COX7B2: variants seen among roughly 807,000 people sequenced by gnomAD.
COX7B2 encodes the protein cytochrome c oxidase subunit 7B2, also known as cytochrome c oxidase subunit 7B2, mitochondrial.
For missense variants in COX7B2, 109 were observed against 95.9 expected, an observed-to-expected ratio of 1.14 and a Z score of -0.57; for synonymous variants, 37 against 32.1, an observed-to-expected ratio of 1.15 and a Z score of -0.51.
intron 2 of COX7B2, among the ~76,000 whole-genome samples, chr4:46,824,710 G>T (rs1361031426): frequency 6.8e-6 from 1 of 147,146 alleles, no homozygotes; most frequent in Non-Finnish European, 1.5e-5. Flanking sequence ...ATCACCAAAT[G>T]CAAGGTTGGC....
At chr4:46,883,814 G>A (rs1577695639) in intron 1 of COX7B2, among the ~76,000 whole-genome samples, 1 of 150,584 alleles carries the variant, frequency 6.6e-6, no homozygotes, top group Non-Finnish European at 1.5e-5. Context: ...TTAAATTCTT[G>A]TCAAGGTCTC....
chr4:46,881,288 A>C (rs944225132), intron 1 of COX7B2, among the ~76,000 whole-genome samples: 2 of 152,236 alleles, frequency 1.3e-5, no homozygotes, highest in African/African-American at 2.4e-5. Flanking sequence ...ACACTGGTTC[A>C]GTCTGGAAAG....
chr4:46,737,044 G>A (rs565063558), intron 2 of COX7B2, among the ~76,000 whole-genome samples: 1 of 152,126 alleles, frequency 6.6e-6, no homozygotes, highest in African/African-American at 2.4e-5. Context: ...TTCCAAAGTG[G>A]CTGTACCATT....
At chr4:46,755,773 A>G (rs1217363158) in intron 2 of COX7B2, among the ~76,000 whole-genome samples, 1 of 152,012 alleles carries the variant, frequency 6.6e-6, no homozygotes, top group African/African-American at 2.4e-5. Flanking sequence ...AAAGATCTCT[A>G]TAAGGAGAAC....
Position 46,761,964 on chromosome 4 carries a change from C to T in COX7B2, c.-49-26723G>A, listed in dbSNP as rs529118975. On this transcript the variant is annotated intron_variant, in intron 2 of 2. Transcript: ENST00000355591. ...ACCATTGAGTGAGACTGCAAATAAA[C>T]ATATGAACAGTGTGATTGTGTGTAC... Among the ~76,000 whole-genome samples, 5 of 151,332 alleles carry T rather than the reference C, an allele frequency of 3.3e-5. No individual in the cohort carries two copies. In the East Asian group the frequency reaches 9.8e-4, roughly 30 times the overall value.
chr4:46,887,218 G>A (rs914639588), intron 1 of COX7B2, among the ~76,000 whole-genome samples: 8 of 152,080 alleles, frequency 5.3e-5, no homozygotes, highest in Admixed American at 3.3e-4. Flanking sequence ...AAAGATACTA[G>A]TATCCCACCC....
intron 1 of COX7B2, among the ~76,000 whole-genome samples, chr4:46,897,032 G>A (rs1019796698): frequency 1.3e-5 from 2 of 152,180 alleles, no homozygotes; most frequent in South Asian, 4.1e-4. Context: ...TGGAGGTAGG[G>A]AAATTAAATT....
At chr4:46,853,279 A>C (rs1282212063) in intron 1 of COX7B2, among the ~76,000 whole-genome samples, 6 of 152,142 alleles carry the variant, frequency 3.9e-5, no homozygotes, top group African/African-American at 1.4e-4. Flanking sequence ...AAAACAAAGA[A>C]CTTATATGGA....
intron 2 of COX7B2, among the ~76,000 whole-genome samples, chr4:46,844,411 C>T (rs1031294367): frequency 1.3e-5 from 2 of 151,796 alleles, no homozygotes; most frequent in Non-Finnish European, 1.5e-5. Flanking sequence ...CCATACTGAC[C>T]AAGTCAACCC....
intron 1 of COX7B2, among the ~76,000 whole-genome samples, chr4:46,865,227 T>C (rs1244282180): frequency 6.6e-6 from 1 of 152,184 alleles, no homozygotes; most frequent in Non-Finnish European, 1.5e-5. Context: ...CCTGTGTTAC[T>C]TCACTTAGAA....
At chr4:46,906,295 C>T (rs561351587) in intron 1 of COX7B2, among the ~76,000 whole-genome samples, 2 of 152,166 alleles carry the variant, frequency 1.3e-5, no homozygotes, top group Non-Finnish European at 2.9e-5. Context: ...ACTGATGATC[C>T]TGAAGCCTGA....
chr4:46,734,920 AT>A lies in COX7B2; in HGVS notation c.*26del. 1 of 1,613,742 alleles carries A rather than the reference AT, an allele frequency of 6.2e-7. No individual in the cohort carries two copies. The highest frequency in any genetic ancestry group is 2.2e-5 in the East Asian group (1 of 44,880). Reference sequence around the variant, plus strand: ...ACATGACAAGTTGGTTTTTTAAACAATTCTGTCATTACAGCAACTGTGATGG... The same window carrying A: ...ACATGACAAGTTGGTTTTTTAAACAATCTGTCATTACAGCAACTGTGATGG... On this transcript the variant is annotated 3_prime_UTR_variant, in exon 3 of 3. Coordinates refer to ENST00000355591, the MANE Select transcript of COX7B2 (RefSeq NM_130902.3).
In COX7B2 at chr4:46,743,044, A is replaced by G. The variant is rs535888853; in HGVS notation, c.-49-7803T>C. On this transcript the variant is annotated intron_variant, in intron 2 of 2. Transcript: ENST00000355591. ...CTATACTCACTCTTTTTCCTTTCTG[A>G]TAGCTATGAGTAAGAGATAACAAAA... 2.0e-5 allele frequency among the ~76,000 whole-genome samples: 3 copies of G among 152,144 alleles called. No individual in the cohort carries two copies. In the South Asian group the frequency reaches 6.2e-4, roughly 32 times the overall value.
chr4:46,762,452 C>G (rs116273811), intron 2 of COX7B2, among the ~76,000 whole-genome samples: 21,718 of 131,814 alleles, frequency 0.16, 1,919 homozygotes, highest in South Asian at 0.35. Flanking sequence ...TATATATATA[C>G]TATATATAGT....
intron 2 of COX7B2, among the ~76,000 whole-genome samples, chr4:46,824,220 G>A (rs537226574): frequency 6.4e-4 from 98 of 152,148 alleles, no homozygotes; most frequent in Non-Finnish European, 5.4e-4. Flanking sequence ...ATGGATTCAC[G>A]GTCAAATTCT....
rs1244503006 is a variant in COX7B2 at position 46,754,720 on chromosome 4, G to GTATATATATA, written c.-49-19480_-49-19479insTATATATATA. Among the ~76,000 whole-genome samples, 42 of 36,826 alleles carry GTATATATATA rather than the reference G, an allele frequency of 1.1e-3. 1 individual carries two copies. The highest frequency in any genetic ancestry group is 2.9e-3 in the African/African-American group (21 of 7,356). 24.2% of individuals were successfully genotyped at this position (36,826 alleles called of 152,430 possible). On this transcript the variant is annotated intron_variant, in intron 2 of 2. Transcript: ENST00000355591. ...TACGTGTGTGTGTGTGTGTGTGTGT[G>GTATATATATA]TGTGTGTGTATATATATATATATAT...
chr4:46,855,955 A>T (rs891273188), intron 1 of COX7B2, among the ~76,000 whole-genome samples: 1 of 152,212 alleles, frequency 6.6e-6, no homozygotes, highest in East Asian at 1.9e-4. Flanking sequence ...TTATTTAAAA[A>T]ATCCCTGGCT....
At chr4:46,876,975 G>T (rs1357136574) in intron 1 of COX7B2, among the ~76,000 whole-genome samples, 5 of 151,782 alleles carry the variant, frequency 3.3e-5, no homozygotes, top group Non-Finnish European at 4.4e-5. Context: ...AGTCTGGAAA[G>T]AAATCATATT....
intron 2 of COX7B2, among the ~76,000 whole-genome samples, chr4:46,811,188 A>G (rs1302826738): frequency 2.0e-5 from 3 of 152,156 alleles, no homozygotes; most frequent in South Asian, 2.1e-4. Flanking sequence ...GGATGTCCAT[A>G]TCTCTTCCCA....
Sources: allele counts gnomAD v4.1 joint callset (sites outside exome capture counted in the v4.1 genomes callset), GRCh38; gene constraint gnomAD v4.1.1; transcripts MANE v1.5; gene names NCBI Gene and HGNC (gene_info 2026-07-23, HGNC 2026-07-21).